Variants in MYO16 observed in about 807,000 individuals in gnomAD.
The protein encoded by MYO16 is myosin XVI, also known as unconventional myosin-XVI.
MYO16 carries 94 observed loss-of-function variants against 205.3 expected under a neutral mutation model. That is an observed-to-expected ratio of 0.46 (90% confidence interval 0.39 to 0.54). The LOEUF (loss-of-function observed/expected upper bound fraction) is 0.54. MYO16 is among the 20% of genes least tolerant of loss of function. The pLI is 0.00. For synonymous variants in MYO16, 988 were observed against 954.0 expected (o/e 1.04, Z -0.66); for missense variants, 2,315 against 2,387.5 (o/e 0.97, Z 0.63).
chr13:108,602,806 C>T (rs975682081), intron 1 of MYO16, among the ~76,000 whole-genome samples: 5 of 152,176 alleles, frequency 3.3e-5, no homozygotes, highest in African/African-American at 9.6e-5. Context: ...TCCATCTCTA[C>T]TCCTGCAGCT....
intron 1 of MYO16, among the ~76,000 whole-genome samples, chr13:108,635,981 TG>T (rs1880208690): frequency 1.3e-5 from 2 of 152,240 alleles, no homozygotes; most frequent in African/African-American, 4.8e-5. Context: ...CTTTCATTTT[TG>T]TATTTGAAAT....
chr13:109,120,695 T>G (rs1875948022), intron 29 of MYO16, among the ~76,000 whole-genome samples: 1 of 152,234 alleles, frequency 6.6e-6, no homozygotes, highest in Admixed American at 6.5e-5. Context: ...TGTTCATGTT[T>G]TAATTAGACA....
intron 14 of MYO16, among the ~76,000 whole-genome samples, chr13:108,892,953 T>C (rs1880241966): frequency 6.6e-6 from 1 of 152,204 alleles, no homozygotes; most frequent in African/African-American, 2.4e-5. Flanking sequence ...ATAATATCAG[T>C]GCATATTTCA....
At chr13:109,029,312 C>T (rs1418075755) in intron 23 of MYO16, among the ~76,000 whole-genome samples, 1 of 151,890 alleles carries the variant, frequency 6.6e-6, no homozygotes, top group Non-Finnish European at 1.5e-5. Context: ...GACAGGGTTT[C>T]ACCATGGTCT....
intron 32 of MYO16, among the ~76,000 whole-genome samples, chr13:109,150,643 A>G (rs934236019): frequency 2.6e-5 from 4 of 152,242 alleles, no homozygotes; most frequent in Non-Finnish European, 4.4e-5. Flanking sequence ...AAGCCTTTAC[A>G]ACCGGGATGC....
In MYO16 at chr13:108,939,067, C is replaced by A. The variant is rs375025129; in HGVS notation, c.1926-18621C>A. On this transcript the variant is annotated intron_variant, in intron 16 of 34. Transcript: ENST00000457511. ...GTTCTGGCTGTGGAGGCCTTTACCC[C>A]ACTCCAGAGCAGGCTCTCCAATCTC... Among the ~76,000 whole-genome samples the A allele has an allele frequency of 1.6e-3, 247 of 152,326 alleles. 1 individual carries two copies. The highest frequency in any genetic ancestry group is 5.7e-3 in the African/African-American group (237 of 41,580).
intron 7 of MYO16, among the ~76,000 whole-genome samples, chr13:108,816,412 G>GCCT (rs10685005): frequency 0.89 from 135,260 of 151,724 alleles, 62,329 homozygotes; most frequent in South Asian, 1. Context: ...ATGAAGTAGC[G>GCCT]CCCCCCACCC....
intron 32 of MYO16, among the ~76,000 whole-genome samples, chr13:109,153,616 G>A (rs930886969): frequency 5.3e-4 from 80 of 152,178 alleles, no homozygotes; most frequent in African/African-American, 1.9e-3. Context: ...AAAAGTAGCC[G>A]GGCATGGTGG....
intron 14 of MYO16, among the ~76,000 whole-genome samples, chr13:108,893,956 A>C (rs955403121): frequency 5.3e-5 from 8 of 152,228 alleles, no homozygotes; most frequent in Non-Finnish European, 1.2e-4. Flanking sequence ...ACTGCCATAA[A>C]GATACCACCT....
intron 21 of MYO16, among the ~76,000 whole-genome samples, chr13:108,996,943 A>G (rs1002492226): frequency 2.0e-5 from 3 of 152,184 alleles, no homozygotes; most frequent in Non-Finnish European, 4.4e-5. Flanking sequence ...ATACATGCAA[A>G]GGCATGTAGT....
intron 31 of MYO16, among the ~76,000 whole-genome samples, chr13:109,139,155 A>G (rs1006783849): frequency 1.3e-5 from 2 of 152,116 alleles, no homozygotes; most frequent in Non-Finnish European, 2.9e-5. Flanking sequence ...GGGTTTCACC[A>G]TGTTGGCCAG....
chr13:108,706,925 G>A (rs544731072), intron 2 of MYO16, among the ~76,000 whole-genome samples: 53 of 152,246 alleles, frequency 3.5e-4, no homozygotes, highest in South Asian at 1.5e-3. Flanking sequence ...GCTTGATTCC[G>A]GGGTGCTTCA....
intron 12 of MYO16, among the ~76,000 whole-genome samples, chr13:108,882,156 G>A (rs1166749962): frequency 6.6e-6 from 1 of 152,146 alleles, no homozygotes; most frequent in Admixed American, 6.5e-5. Context: ...CCTTAAATAT[G>A]TTTACTGTGT....
the MYO16 span, among the ~76,000 whole-genome samples, chr13:108,574,403 A>G: frequency 2.0e-5 from 3 of 152,146 alleles, no homozygotes; most frequent in African/African-American, 7.2e-5. Flanking sequence ...TGGTATCAAG[A>G]GTCTATTGGT....
chr13:108,920,462 T>A (rs149583029), intron 16 of MYO16, among the ~76,000 whole-genome samples: 1 of 151,952 alleles, frequency 6.6e-6, no homozygotes, highest in Admixed American at 6.6e-5. Flanking sequence ...TGTCTCTCTT[T>A]CTTTTTAAAA....
At chr13:108,754,583 T>G (rs1418607604) in intron 4 of MYO16, among the ~76,000 whole-genome samples, 1 of 152,158 alleles carries the variant, frequency 6.6e-6, no homozygotes, top group Non-Finnish European at 1.5e-5. Context: ...TAAAAATGGT[T>G]TCTTGACCTT....
rs552486665 is a variant in MYO16, at chr13:108,760,479, T to C, written c.508-25156T>C. ...TCCTTAATGATAACTTAGGGTTTTT[T>C]TTTTTATCATTTTGGCTTTTTAAAT... is the stretch of plus-strand genomic sequence containing the variant. On this transcript the variant is annotated intron_variant, in intron 4 of 34. Coordinates refer to ENST00000457511, the MANE Select transcript of MYO16 (RefSeq NM_001198950.3). Among the ~76,000 whole-genome samples, 20 of 152,336 alleles carry C rather than the reference T, an allele frequency of 1.3e-4. No homozygotes were observed. In the East Asian group the frequency reaches 2.9e-3, roughly 22 times the overall value.
At chr13:108,882,076 C>A (rs1363138257) in intron 12 of MYO16, among the ~76,000 whole-genome samples, 2 of 152,158 alleles carry the variant, frequency 1.3e-5, no homozygotes. Context: ...AAGAGAAGCC[C>A]ATCAGACTAA....
the MYO16 span, among the ~76,000 whole-genome samples, chr13:108,496,406 A>G: frequency 1.3e-5 from 2 of 152,204 alleles, no homozygotes; most frequent in Non-Finnish European, 2.9e-5. Context: ...AGAGAGCAGA[A>G]CAAAGATGTA....
Sources: gnomAD v4.1 joint callset for allele counts (sites outside exome capture counted in the v4.1 genomes callset) on GRCh38, gnomAD v4.1.1 for gene constraint, MANE v1.5 for transcripts, NCBI Gene and HGNC (gene_info 2026-07-23, HGNC 2026-07-21) for gene names.